SEMA3A: variants seen among roughly 807,000 people sequenced by gnomAD.
SEMA3A encodes semaphorin-3A.
A neutral mutation model predicts 97.9 loss-of-function variants in SEMA3A; 29 were observed. That is an observed-to-expected ratio of 0.30 (90% CI 0.22 to 0.40). The LOEUF (loss-of-function observed/expected upper bound fraction) is 0.40. Ranked by LOEUF, SEMA3A falls within the 10% of genes least tolerant of loss-of-function variation. The pLI is 1.00. For missense variants in SEMA3A, 763 were observed against 951.3 expected, an observed-to-expected ratio of 0.80 and a Z score of 2.60; for synonymous variants, 321 against 323.7, an observed-to-expected ratio of 0.99 and a Z score of 0.09.
chr7:84,485,899 A>G (rs1253792537), intron 1 of SEMA3A, among the ~76,000 whole-genome samples: 2 of 152,220 alleles, frequency 1.3e-5, no homozygotes, highest in Admixed American at 6.5e-5. Flanking sequence ...ATTTAGAAAT[A>G]GTATTAATCA....
intron 1 of SEMA3A, among the ~76,000 whole-genome samples, chr7:84,445,412 T>G (rs1805383483): frequency 7.4e-6 from 1 of 134,288 alleles, no homozygotes; most frequent in South Asian, 2.3e-4. Context: ...AAGAATGGCA[T>G]GAACCCAGGA....
At chr7:84,057,145 C>T (rs540177027) in intron 5 of SEMA3A, among the ~76,000 whole-genome samples, 1 of 152,122 alleles carries the variant, frequency 6.6e-6, no homozygotes, top group Non-Finnish European at 1.5e-5. Flanking sequence ...AGCATTTTGA[C>T]TTGAGGATAT....
chr7:84,460,888 A>G (rs1238723627), intron 1 of SEMA3A, among the ~76,000 whole-genome samples: 1 of 152,250 alleles, frequency 6.6e-6, no homozygotes, highest in Non-Finnish European at 1.5e-5. Context: ...TAAATACTCC[A>G]AAGTGCAAAA....
intron 2 of SEMA3A, among the ~76,000 whole-genome samples, chr7:84,314,223 CTATCTAGTTTTGCAATTAGATAAAGACA>C (rs1801439174): frequency 6.6e-6 from 1 of 152,026 alleles, no homozygotes; most frequent in Non-Finnish European, 1.5e-5. Context: ...GTCAGTGAGT[CTATCTAGTTTTGCAATTAGATAAAGACA>C]TAACATTTTA....
At chr7:84,324,887 G>A (rs1801734667) in intron 2 of SEMA3A, among the ~76,000 whole-genome samples, 1 of 152,058 alleles carries the variant, frequency 6.6e-6, no homozygotes, top group African/African-American at 2.4e-5. Context: ...TTGATAAAAT[G>A]TATAAGGCAT....
At chr7:83,973,266 C>G (rs1346631927) in intron 15 of SEMA3A, among the ~76,000 whole-genome samples, 2 of 152,066 alleles carry the variant, frequency 1.3e-5, no homozygotes, top group Non-Finnish European at 2.9e-5. Context: ...TTGAAACAGA[C>G]AATTTTCCTT....
At chr7:84,418,631 C>T (rs79445035) in intron 1 of SEMA3A, among the ~76,000 whole-genome samples, 3,986 of 152,084 alleles carry the variant, frequency 0.026, 163 homozygotes, top group African/African-American at 0.09. Context: ...CTTCCCATGG[C>T]TTCCTCTCCT....
chr7:84,480,006 T>A (rs1806400286), intron 1 of SEMA3A, among the ~76,000 whole-genome samples: 1 of 152,186 alleles, frequency 6.6e-6, no homozygotes, highest in Non-Finnish European at 1.5e-5. Flanking sequence ...TATAAGGGTC[T>A]AAAGTATCCA....
At chr7:84,376,664 C>T (rs1803112371) in intron 1 of SEMA3A, among the ~76,000 whole-genome samples, 1 of 140,216 alleles carries the variant, frequency 7.1e-6, no homozygotes, top group South Asian at 2.3e-4. Context: ...GTATTTGTTA[C>T]TCTTTCTCTT....
chr7:84,389,772 C>A (rs886648243), intron 1 of SEMA3A, among the ~76,000 whole-genome samples: 1 of 151,900 alleles, frequency 6.6e-6, no homozygotes, highest in Non-Finnish European at 1.5e-5. Context: ...TGCCATACAC[C>A]AACAACAATT....
intron 2 of SEMA3A, among the ~76,000 whole-genome samples, chr7:84,319,764 G>A (rs1801601589): frequency 6.6e-6 from 1 of 151,932 alleles, no homozygotes; most frequent in Non-Finnish European, 1.5e-5. Flanking sequence ...TTAAAAAGTT[G>A]TGTTATTAAC....
At chr7:84,039,542 A>T (rs1792058904) in intron 6 of SEMA3A, among the ~76,000 whole-genome samples, 1 of 152,150 alleles carries the variant, frequency 6.6e-6, no homozygotes, top group Admixed American at 6.6e-5. Context: ...CACCAGCTCT[A>T]TTTGATTTGA....
chr7:84,145,129 C>T (rs1202736298), intron 1 of SEMA3A, among the ~76,000 whole-genome samples: 1 of 152,130 alleles, frequency 6.6e-6, no homozygotes, highest in East Asian at 1.9e-4. Flanking sequence ...CATCTTCCAC[C>T]CTCACCTGCT....
At chr7:84,370,534 T>A (rs956935396) in intron 2 of SEMA3A, among the ~76,000 whole-genome samples, 8 of 151,666 alleles carry the variant, frequency 5.3e-5, no homozygotes, top group Non-Finnish European at 1.2e-4. Context: ...AAAGAAAAGG[T>A]TAGAAACATC....
chr7:84,364,703 AT>A (rs1802803059), intron 2 of SEMA3A, among the ~76,000 whole-genome samples: 1 of 151,778 alleles, frequency 6.6e-6, no homozygotes, highest in African/African-American at 2.4e-5. Flanking sequence ...TAGAGGCAAA[AT>A]TTATTTTATA....
intron 4 of SEMA3A, among the ~76,000 whole-genome samples, chr7:84,075,423 T>G (rs1482262123): frequency 6.6e-6 from 1 of 150,618 alleles, no homozygotes; most frequent in Non-Finnish European, 1.5e-5. Flanking sequence ...CCTCCCAAAG[T>G]GCTGGGATTA....
rs192634765 is a variant in SEMA3A, at chr7:84,219,595, G to A, written c.-82-24927C>T. On this transcript the variant is annotated intron_variant, in intron 3 of 3. Coordinates refer to the SEMA3A transcript ENST00000424555. ...AAAAGTGATGTGTCAACTATACTGC[G>A]GTCTATTAAGTTTGAAAGCATTATG... Among the ~76,000 whole-genome samples, 673 of 152,106 alleles carry A rather than the reference G, an allele frequency of 4.4e-3. 2 individuals carry two copies. The highest frequency in any genetic ancestry group is 6.4e-3 in the Non-Finnish European group (436 of 67,984).
At chr7:84,079,883 G>A (rs1252281577) in intron 4 of SEMA3A, among the ~76,000 whole-genome samples, 1 of 147,176 alleles carries the variant, frequency 6.8e-6, no homozygotes. Context: ...AAATTATGCT[G>A]CTATAAAGAC....
intron 4 of SEMA3A, among the ~76,000 whole-genome samples, chr7:84,067,470 T>G (rs1311956825): frequency 5.3e-5 from 8 of 151,096 alleles, no homozygotes; most frequent in Admixed American, 4.0e-4. Flanking sequence ...GAAACTACCA[T>G]CAGAGTGAAC....
Sources: gnomAD v4.1 joint callset for allele counts (sites outside exome capture counted in the v4.1 genomes callset) on GRCh38, gnomAD v4.1.1 for gene constraint, MANE v1.5 for transcripts, NCBI Gene and HGNC (gene_info 2026-07-23, HGNC 2026-07-21) for gene names.